Variants in SHLD2 observed in about 807,000 individuals in gnomAD.
SHLD2 encodes the protein shieldin complex subunit 2, also known as RINN1-REV7-interacting novel NHEJ regulator 2.
Under a neutral mutation model 73.2 loss-of-function variants are expected in SHLD2, and 30 were observed. The ratio of observed to expected loss-of-function variants is 0.41; its 90% CI spans 0.31 to 0.56. The LOEUF is 0.56. Ranked by LOEUF, SHLD2 falls within the 20% of genes least tolerant of loss-of-function variation. The probability of loss-of-function intolerance (pLI) is 0.28; values close to 1 mark genes in which losing one functional copy is unlikely to be tolerated. For synonymous variants in SHLD2, 285 were observed against 370.1 expected, an observed-to-expected ratio of 0.77 and a Z score of 2.64; for missense variants, 745 against 1,055.9, an observed-to-expected ratio of 0.71 and a Z score of 4.08.
At chr10:87,129,874 G>A (rs1431738034) in intron 2 of SHLD2, among the ~76,000 whole-genome samples, 1 of 151,856 alleles carries the variant, frequency 6.6e-6, no homozygotes, top group East Asian at 1.9e-4. Flanking sequence ...TCTTGCCTCA[G>A]CCTCCTAAAA....
chr10:87,185,819 G>T (rs1848584397), intron 8 of SHLD2, among the ~76,000 whole-genome samples: 3 of 152,272 alleles, frequency 2.0e-5, no homozygotes, highest in Non-Finnish European at 1.5e-5. Context: ...TTTTTGAAAA[G>T]ACTGTTCCAT....
intron 4 of SHLD2, among the ~76,000 whole-genome samples, chr10:87,169,961 T>G (rs1165989579): frequency 6.6e-6 from 1 of 152,178 alleles, no homozygotes; most frequent in African/African-American, 2.4e-5. Context: ...AAGACAGCCT[T>G]GCAGCTGGAA....
Position 87,151,570 on chromosome 10 carries a change from T to A in SHLD2, c.216T>A (p.Asp72Glu). The A allele has an allele frequency of 6.2e-7, 1 of 1,611,666 alleles. No individual in the cohort carries two copies. Among genetic ancestry groups the A allele is most frequent in the Admixed American group, 1.7e-5 (1 of 59,970 alleles). Residue 72 changes from aspartate (D) to glutamate (E), a missense_variant, in exon 3 of 10, where the codon GAT becomes GAA. By Grantham distance (45) the Asp-to-Glu change is conservative (BLOSUM62 2). Around this residue, in one of 5 missense-constraint regions of SHLD2, gnomAD observed 280 missense variants for 353.9 expected, o/e 0.79. Transcript: ENST00000298786. ...YKVPESIGSP[D>E]LSGHFLANCM... ...TCCCAGAATCTATTGGTTCTCCAGA[T>A]CTTAGTGGTCATTTCTTAGCAAACT...
At chr10:87,119,067 A>G (rs1423558820) in intron 2 of SHLD2, among the ~76,000 whole-genome samples, 1 of 150,820 alleles carries the variant, frequency 6.6e-6, no homozygotes, top group Non-Finnish European at 1.5e-5. Context: ...TCTCAATCCT[A>G]TACCATGAAT....
intron 2 of SHLD2, among the ~76,000 whole-genome samples, chr10:87,103,007 C>G (rs1246070336): frequency 1.3e-5 from 2 of 151,944 alleles, no homozygotes; most frequent in Non-Finnish European, 2.9e-5. Context: ...GTCAAGAGAT[C>G]AAGACCATTC....
intron 6 of SHLD2, among the ~76,000 whole-genome samples, chr10:87,173,635 A>C (rs1389883906): frequency 2.0e-5 from 3 of 152,150 alleles, no homozygotes; most frequent in Admixed American, 1.3e-4. Flanking sequence ...TAGTAGAAGA[A>C]AATATAGGCA....
Position 87,151,590 on chromosome 10 carries a change from C to T in SHLD2, c.236C>T (p.Ala79Val). Residue 79 changes from alanine to valine, a missense_variant, in exon 3 of 10, where the codon GCA (alanine) becomes GTA (valine). Ala to Val is a moderately conservative substitution (Grantham distance 64). Transcript: ENST00000298786. ...CCAGATCTTAGTGGTCATTTCTTAG[C>T]AAACTGTATGAATAGACATGTTCAT... ...GSPDLSGHFL[A>V]NCMNRHVHVK... The T allele has an allele frequency of 1.2e-6, 2 of 1,611,462 alleles. No individual in the cohort carries two copies. Among genetic ancestry groups the T allele is most frequent in the South Asian group, 2.2e-5 (2 of 90,950 alleles).
chr10:87,162,515 G>A (rs1415313284), intron 4 of SHLD2, among the ~76,000 whole-genome samples: 1 of 152,106 alleles, frequency 6.6e-6, no homozygotes, highest in Non-Finnish European at 1.5e-5. Flanking sequence ...GCAACATAGT[G>A]AGACCCTGTC....
chr10:87,181,161 G>A (rs1377929991), intron 8 of SHLD2, among the ~76,000 whole-genome samples: 2 of 148,954 alleles, frequency 1.3e-5, no homozygotes, highest in African/African-American at 2.5e-5. Flanking sequence ...TGGGGGGATC[G>A]CTTGAGCCCA....
intron 2 of SHLD2, among the ~76,000 whole-genome samples, chr10:87,097,422 G>T (rs4309067): frequency 0.32 from 48,518 of 151,780 alleles, 7,801 homozygotes; most frequent in Middle Eastern, 0.36. Flanking sequence ...TAAGCCAAGC[G>T]TGGTGGGGGG....
At chr10:87,115,003 T>C (rs1353041202) in intron 2 of SHLD2, among the ~76,000 whole-genome samples, 2 of 152,084 alleles carry the variant, frequency 1.3e-5, no homozygotes, top group African/African-American at 4.8e-5. Context: ...GTTGAGTAAA[T>C]GAAGCTAGAG....
In SHLD2 at chr10:87,151,907, G is replaced by GA. The variant is rs1846039704; in HGVS notation, c.559dup (p.Ile187AsnfsTer2). ...TGTGTTGGATTTGGTTTGTAGTACT[G>GA]AAAAAATTAATATAGGGCCTGAAGT... On this transcript the variant is annotated frameshift_variant, in exon 3 of 10. Coordinates refer to ENST00000298786, the MANE Select transcript of SHLD2 (RefSeq NM_001330112.2). LOFTEE classifies it high-confidence loss of function. The GA allele has an allele frequency of 6.2e-7, 1 of 1,611,186 alleles. No homozygotes were observed. Among genetic ancestry groups the GA allele is most frequent in the Admixed American group, 1.7e-5 (1 of 59,902 alleles).
At chr10:87,106,997 A>T (rs1187971849) in intron 2 of SHLD2, among the ~76,000 whole-genome samples, 1 of 151,170 alleles carries the variant, frequency 6.6e-6, no homozygotes, top group Non-Finnish European at 1.5e-5. Flanking sequence ...TTAAATGTGG[A>T]ATCCTTGTGA....
At chr10:87,140,609 C>T (rs981174339) in intron 2 of SHLD2, among the ~76,000 whole-genome samples, 4 of 151,200 alleles carry the variant, frequency 2.6e-5, no homozygotes, top group Admixed American at 6.6e-5. Context: ...CTGATGATAA[C>T]CATAAACTCT....
chr10:87,117,141 C>G (rs555854683), intron 2 of SHLD2, among the ~76,000 whole-genome samples: 1 of 152,272 alleles, frequency 6.6e-6, no homozygotes, highest in Non-Finnish European at 1.5e-5. Context: ...TAGCTGCGGC[C>G]GGGCAAGGTG....
At chr10:87,115,057 T>C (rs926417617) in intron 2 of SHLD2, among the ~76,000 whole-genome samples, 16 of 152,094 alleles carry the variant, frequency 1.1e-4, no homozygotes, top group Admixed American at 3.9e-4. Flanking sequence ...TATTTATTTA[T>C]TTATTTATTT....
intron 2 of SHLD2, among the ~76,000 whole-genome samples, chr10:87,116,378 A>G (rs1319401386): frequency 6.6e-6 from 1 of 150,904 alleles, no homozygotes; most frequent in African/African-American, 2.4e-5. Context: ...TTGAAGATGT[A>G]GAATAAAGGA....
At chr10:87,166,950 AGTGTGTGTGTGTGT>A (rs10602407) in intron 4 of SHLD2, among the ~76,000 whole-genome samples, 91 of 126,292 alleles carry the variant, frequency 7.2e-4, no homozygotes, top group African/African-American at 2.3e-3. Context: ...CATTTTGGAA[AGTGTGTGTGTGTGT>A]GTGTGTGTGT....
intron 8 of SHLD2, among the ~76,000 whole-genome samples, chr10:87,183,404 T>A (rs1003169728): frequency 6.6e-6 from 1 of 152,186 alleles, no homozygotes; most frequent in Admixed American, 6.5e-5. Context: ...TAATTGAACT[T>A]TTGCTTGGTT....
Sources: allele counts gnomAD v4.1 joint callset (sites outside exome capture counted in the v4.1 genomes callset), GRCh38; gene constraint gnomAD v4.1.1; regional missense constraint gnomAD v4.1.1; transcripts MANE v1.5; gene names NCBI Gene and HGNC (gene_info 2026-07-23, HGNC 2026-07-21).